CAMKMT: variants seen among roughly 807,000 people sequenced by gnomAD.
CAMKMT encodes the protein calmodulin-lysine N-methyltransferase.
Under a neutral mutation model 48.0 loss-of-function variants are expected in CAMKMT, and 53 were observed. The ratio of observed to expected loss-of-function variants is 1.10; its 90% CI spans 0.89 to 1.39. The LOEUF is 1.39. CAMKMT is among the 40% of genes most tolerant of loss of function. The pLI, the probability that CAMKMT is intolerant of heterozygous loss-of-function variation, is 0.00. For missense variants in CAMKMT, 428 were observed against 402.7 expected (o/e 1.06, Z -0.54); for synonymous variants, 165 against 152.3 (o/e 1.08, Z -0.61).
At chr2:44,368,450 T>C (rs922304089) in intron 1 of CAMKMT, among the ~76,000 whole-genome samples, 23 of 152,364 alleles carry the variant, frequency 1.5e-4, no homozygotes, top group Admixed American at 1.5e-3. Flanking sequence ...TATATAAATG[T>C]CTTATTTGTT....
At chr2:44,638,878 C>T (rs548068500) in intron 3 of CAMKMT, among the ~76,000 whole-genome samples, 3 of 152,298 alleles carry the variant, frequency 2.0e-5, no homozygotes, top group South Asian at 4.1e-4. Flanking sequence ...GCTATCTTTG[C>T]TGGCAGAGGG....
chr2:44,369,520 G>A (rs1678949685), intron 1 of CAMKMT, among the ~76,000 whole-genome samples: 1 of 152,192 alleles, frequency 6.6e-6, no homozygotes, highest in Non-Finnish European at 1.5e-5. Flanking sequence ...CAGTCTAAGA[G>A]TGAATCCCAG....
rs1429751651 is a variant in CAMKMT at position 44,622,925 on chromosome 2, A to G, written c.377-81358A>G. Among the ~76,000 whole-genome samples the G allele has an allele frequency of 2.6e-5, 4 of 152,142 alleles. No individual in the cohort carries two copies. In the South Asian group the frequency reaches 8.3e-4, roughly 32 times the overall value. ...AGAAATCTCCAAACTTCTGTCCATG[A>G]TGGTTGAACTGATATGCATTCCCAC... On this transcript the variant is annotated intron_variant, in intron 3 of 10. Coordinates refer to ENST00000378494, the MANE Select transcript of CAMKMT (RefSeq NM_024766.5).
chr2:44,606,808 A>ACCCCC (rs11421579), intron 3 of CAMKMT, among the ~76,000 whole-genome samples: 2 of 138,432 alleles, frequency 1.4e-5, no homozygotes, highest in African/African-American at 5.3e-5. Flanking sequence ...TCTTAATGTG[A>ACCCCC]CCCCCCCCCC....
At chr2:44,668,604 C>A (rs1375591647) in intron 3 of CAMKMT, among the ~76,000 whole-genome samples, 1 of 152,020 alleles carries the variant, frequency 6.6e-6, no homozygotes, top group Non-Finnish European at 1.5e-5. Context: ...CTCCAGTTCA[C>A]CCTTATTTTT....
chr2:44,506,127 C>T (rs888393135), intron 3 of CAMKMT, among the ~76,000 whole-genome samples: 2 of 151,980 alleles, frequency 1.3e-5, no homozygotes, highest in East Asian at 1.9e-4. Context: ...AAAGTGCTAG[C>T]ATTACAGGCA....
intron 3 of CAMKMT, among the ~76,000 whole-genome samples, chr2:44,597,661 A>G (rs1028950855): frequency 6.6e-6 from 1 of 152,262 alleles, no homozygotes; most frequent in African/African-American, 2.4e-5. Flanking sequence ...TTACATTGAA[A>G]TACAGTTATC....
chr2:44,419,935 C>T (rs935253733), intron 3 of CAMKMT, among the ~76,000 whole-genome samples: 2 of 152,112 alleles, frequency 1.3e-5, no homozygotes, highest in African/African-American at 2.4e-5. Flanking sequence ...AGTCGTCTCA[C>T]AGTCATTAGA....
intron 3 of CAMKMT, among the ~76,000 whole-genome samples, chr2:44,560,748 C>T (rs140738476): frequency 7.2e-5 from 11 of 152,298 alleles, no homozygotes; most frequent in African/African-American, 2.6e-4. Flanking sequence ...TACCTATGCC[C>T]ATCTCCATTT....
At chr2:44,456,446 C>T (rs545830701) in intron 3 of CAMKMT, 1 of 1,279,648 alleles carries the variant, frequency 7.8e-7, no homozygotes. Flanking sequence ...CCCTCTATTT[C>T]TCAGAATTAT....
intron 3 of CAMKMT, among the ~76,000 whole-genome samples, chr2:44,540,403 C>T (rs1183451270): frequency 6.6e-6 from 1 of 152,066 alleles, no homozygotes; most frequent in Non-Finnish European, 1.5e-5. Flanking sequence ...AGCCATGGAA[C>T]CAGTGAGTCC....
chr2:44,422,074 G>A (rs1683970547), intron 3 of CAMKMT, among the ~76,000 whole-genome samples: 2 of 152,178 alleles, frequency 1.3e-5, no homozygotes, highest in Non-Finnish European at 1.5e-5. Flanking sequence ...AATCCCCAGT[G>A]TTGGAGGTGG....
At chr2:44,688,645 T>C (rs975542275) in intron 3 of CAMKMT, among the ~76,000 whole-genome samples, 5 of 152,180 alleles carry the variant, frequency 3.3e-5, no homozygotes, top group East Asian at 1.9e-4. Flanking sequence ...TGCTGAGTAG[T>C]GTTTTACCTT....
intron 3 of CAMKMT, among the ~76,000 whole-genome samples, chr2:44,593,854 C>A (rs1336211401): frequency 6.7e-6 from 1 of 148,688 alleles, no homozygotes; most frequent in African/African-American, 2.5e-5. Flanking sequence ...ACCTCTGCCT[C>A]CCGGGTTCAA....
chr2:44,701,477 G>T (rs1677258896), intron 3 of CAMKMT, among the ~76,000 whole-genome samples: 1 of 152,074 alleles, frequency 6.6e-6, no homozygotes. Context: ...AGTGTAACTT[G>T]GTGCACATTT....
chr2:44,499,974 T>G (rs773388644), intron 3 of CAMKMT, among the ~76,000 whole-genome samples: 3 of 152,196 alleles, frequency 2.0e-5, no homozygotes, highest in Non-Finnish European at 4.4e-5. Context: ...TTGAGTTGGA[T>G]TTCATGTACA....
At chr2:44,690,882 A>C (rs1221912946) in intron 3 of CAMKMT, among the ~76,000 whole-genome samples, 1 of 152,102 alleles carries the variant, frequency 6.6e-6, no homozygotes, top group African/African-American at 2.4e-5. Flanking sequence ...AGGCTGGGGC[A>C]CGAGAATCAC....
At chr2:44,637,587 A>ATT (rs112401015) in intron 3 of CAMKMT, among the ~76,000 whole-genome samples, 1 of 150,540 alleles carries the variant, frequency 6.6e-6, no homozygotes, top group African/African-American at 2.4e-5. Context: ...TATAATTTTA[A>ATT]TTTTTTTTTT....
At chr2:44,581,287 T>A (rs1669546900) in intron 3 of CAMKMT, among the ~76,000 whole-genome samples, 1 of 152,204 alleles carries the variant, frequency 6.6e-6, no homozygotes. Flanking sequence ...TGCTAAGGAT[T>A]ATGACAAATC....
Sources: gnomAD v4.1 joint callset for allele counts (sites outside exome capture counted in the v4.1 genomes callset) on GRCh38, gnomAD v4.1.1 for gene constraint, MANE v1.5 for transcripts, NCBI Gene and HGNC (gene_info 2026-07-23, HGNC 2026-07-21) for gene names.